HECW1: variants seen among roughly 807,000 people sequenced by gnomAD.
HECW1 encodes HECT, C2 and WW domain containing E3 ubiquitin protein ligase 1.
Under a neutral mutation model 182.3 loss-of-function variants are expected in HECW1, and 61 were observed. The observed-to-expected ratio is 0.33, with a 90% CI of 0.27 to 0.41. The LOEUF (loss-of-function observed/expected upper bound fraction) is 0.41. Among genes scored for constraint, HECW1 ranks in the 10% least tolerant of loss-of-function variants. HECW1 has a pLI of 1.00. For missense variants in HECW1, 1,739 were observed against 2,108.9 expected (o/e 0.82, Z 3.44); for synonymous variants, 859 against 832.6 (o/e 1.03, Z -0.55).
chr7:43,303,947 A>C (rs1807195045), intron 3 of HECW1, among the ~76,000 whole-genome samples: 1 of 152,206 alleles, frequency 6.6e-6, no homozygotes, highest in African/African-American at 2.4e-5. Context: ...ACCCAGGGGC[A>C]GTATTTAATC....
At chr7:43,400,486 T>C (rs2075369705) in intron 7 of HECW1, among the ~76,000 whole-genome samples, 1 of 152,006 alleles carries the variant, frequency 6.6e-6, no homozygotes, top group Admixed American at 6.5e-5. Context: ...GTGGAGAAAA[T>C]ACTCTACCCT....
At chr7:43,337,766 A>G (rs1470794305) in intron 5 of HECW1, among the ~76,000 whole-genome samples, 1 of 152,208 alleles carries the variant, frequency 6.6e-6, no homozygotes, top group African/African-American at 2.4e-5. Context: ...TTCTAAACCT[A>G]CAGACATTAT....
intron 3 of HECW1, among the ~76,000 whole-genome samples, chr7:43,247,707 G>A (rs1344101044): frequency 7.1e-6 from 1 of 141,602 alleles, no homozygotes; most frequent in Non-Finnish European, 1.5e-5. Context: ...AAGGGGAGAG[G>A]GAGGGAGGGA....
intron 3 of HECW1, among the ~76,000 whole-genome samples, chr7:43,277,244 C>G (rs765412199): frequency 4.6e-5 from 7 of 152,172 alleles, no homozygotes; most frequent in Non-Finnish European, 1.0e-4. Flanking sequence ...GAGACAATTG[C>G]AGGGATCAGA....
chr7:43,316,135 T>C (rs1544418), intron 4 of HECW1, among the ~76,000 whole-genome samples: 81,071 of 152,028 alleles, frequency 0.53, 24,853 homozygotes, highest in African/African-American at 0.86. Flanking sequence ...CTGTAAGCTT[T>C]ATTAGACCTT....
intron 24 of HECW1, among the ~76,000 whole-genome samples, chr7:43,515,531 G>A (rs920957830): frequency 6.6e-6 from 1 of 152,234 alleles, no homozygotes; most frequent in Non-Finnish European, 1.5e-5. Flanking sequence ...CTTGGTGATA[G>A]ATTATAAATG....
At chr7:43,460,559 C>T (rs987235767) in intron 13 of HECW1, among the ~76,000 whole-genome samples, 19 of 149,990 alleles carry the variant, frequency 1.3e-4, no homozygotes, top group East Asian at 5.9e-4. Flanking sequence ...TGCGTGTGTG[C>T]GTGTGTGTGT....
intron 24 of HECW1, among the ~76,000 whole-genome samples, chr7:43,529,893 A>G (rs1201398683): frequency 1.3e-5 from 2 of 152,124 alleles, no homozygotes; most frequent in African/African-American, 4.8e-5. Context: ...CATGAGCAGC[A>G]GAGACCATCT....
chr7:43,471,667 C>T (rs2078030434), intron 16 of HECW1, among the ~76,000 whole-genome samples: 1 of 152,176 alleles, frequency 6.6e-6, no homozygotes, highest in African/African-American at 2.4e-5. Context: ...ATAGAGATTG[C>T]ATGTGTGCCT....
intron 2 of HECW1, among the ~76,000 whole-genome samples, chr7:43,212,224 T>G (rs564964640): frequency 3.4e-4 from 52 of 152,300 alleles, no homozygotes; most frequent in African/African-American, 1.3e-3. Flanking sequence ...TGAATAAAAC[T>G]TTTACCCAAT....
chr7:43,347,617 T>TG (rs1212248509), intron 5 of HECW1, among the ~76,000 whole-genome samples: 1 of 152,206 alleles, frequency 6.6e-6, no homozygotes, highest in Admixed American at 6.5e-5. Flanking sequence ...TCGGAGGGAC[T>TG]GCTTTCAACT....
At chr7:43,361,273 G>C (rs1229342189) in intron 6 of HECW1, among the ~76,000 whole-genome samples, 1 of 152,196 alleles carries the variant, frequency 6.6e-6, no homozygotes, top group Non-Finnish European at 1.5e-5. Flanking sequence ...GTTTCTAATA[G>C]AGACATGTGC....
At chr7:43,257,724 A>T (rs1468327876) in intron 3 of HECW1, among the ~76,000 whole-genome samples, 2 of 152,216 alleles carry the variant, frequency 1.3e-5, no homozygotes, top group Admixed American at 6.5e-5. Flanking sequence ...AGGGCTAAAG[A>T]GTATAGACTC....
At chr7:43,533,893 T>C (rs75085341) in intron 24 of HECW1, among the ~76,000 whole-genome samples, 1,725 of 152,236 alleles carry the variant, frequency 0.011, 33 homozygotes, top group African/African-American at 0.039. Context: ...CATCAAAAGA[T>C]GCAGAAGCCA....
At chr7:43,414,039 C>A (rs887971343) in intron 8 of HECW1, among the ~76,000 whole-genome samples, 5 of 151,536 alleles carry the variant, frequency 3.3e-5, no homozygotes, top group African/African-American at 9.7e-5. Flanking sequence ...TGTAAATTAC[C>A]CTGGGCAGTA....
chr7:43,479,494 A>G, intron 16 of HECW1, 116 bp from the exon 17 acceptor site: 1 of 1,202,976 alleles, frequency 8.3e-7, no homozygotes, highest in Non-Finnish European at 1.2e-6. Context: ...GGGGTAGGGG[A>G]GGCTGGGCAG....
chr7:43,348,823 G>A (rs1018919640), intron 5 of HECW1, among the ~76,000 whole-genome samples: 2 of 152,066 alleles, frequency 1.3e-5, no homozygotes. Context: ...TGGTTTTAAA[G>A]GTTCCTTTTG....
At chr7:43,295,853 T>A (rs1805980695) in intron 3 of HECW1, among the ~76,000 whole-genome samples, 1 of 152,236 alleles carries the variant, frequency 6.6e-6, no homozygotes. Flanking sequence ...TGCAATAAAC[T>A]GTTTTCCAAA....
chr7:43,273,502 T>G (rs764342042), intron 3 of HECW1, among the ~76,000 whole-genome samples: 6 of 152,148 alleles, frequency 3.9e-5, no homozygotes, highest in Non-Finnish European at 7.4e-5. Flanking sequence ...TAAGTATTAC[T>G]AATACAATTA....
Sources: gnomAD v4.1 joint callset for allele counts (sites outside exome capture counted in the v4.1 genomes callset) on GRCh38, gnomAD v4.1.1 for gene constraint, MANE v1.5 for transcripts, NCBI Gene and HGNC (gene_info 2026-07-23, HGNC 2026-07-21) for gene names.